The following NDUFAF2 variants were observed in gnomAD, a reference collection of about 807,000 sequenced individuals.
The protein encoded by NDUFAF2 is NADH:ubiquinone oxidoreductase complex assembly factor 2, also known as NADH dehydrogenase [ubiquinone] 1 alpha subcomplex assembly factor 2.
Under a neutral mutation model 22.8 loss-of-function variants are expected in NDUFAF2, and 13 were observed. The ratio of observed to expected loss-of-function variants is 0.57; its 90% CI spans 0.37 to 0.91. The LOEUF (loss-of-function observed/expected upper bound fraction) is 0.91, where lower values mean the gene tolerates loss of function less well. NDUFAF2 is among the 40% of genes least tolerant of loss of function. The pLI, the probability that NDUFAF2 is intolerant of heterozygous loss-of-function variation, is 0.01. For synonymous variants in NDUFAF2, 53 were observed against 64.2 expected (o/e 0.83, Z 0.84); for missense variants, 162 against 195.2 (o/e 0.83, Z 1.01).
Position 61,152,787 on chromosome 5 carries a change from A to G in NDUFAF2, c.342A>G (p.Lys114=). The G allele has an allele frequency of 1.3e-6, 2 of 1,599,068 alleles. No individual in the cohort carries two copies. Among genetic ancestry groups the G allele is most frequent in the Non-Finnish European group, 8.5e-7 (1 of 1,171,926 alleles). The change falls in exon 4 of 4, where the codon AAA becomes AAG. Residue 114 remains lysine, a synonymous_variant. Coordinates refer to ENST00000296597, the MANE Select transcript of NDUFAF2 (RefSeq NM_174889.5). ...DFYEKEKLLS[K]ETSEELLPPP... is the part of the protein sequence containing the mutation. ...ATGAAAAAGAAAAACTCCTTAGTAA[A>G]GAGACCAGTGAGGAACTCCTGCCTC... is the stretch of plus-strand genomic sequence containing the variant.
At chr5:61,015,942 C>T (rs1195229203) in intron 1 of NDUFAF2, among the ~76,000 whole-genome samples, 16 of 152,120 alleles carry the variant, frequency 1.1e-4, no homozygotes, top group Admixed American at 1.0e-3. Flanking sequence ...AATCCCAGCA[C>T]TTTCAGAGGC....
intron 2 of NDUFAF2, among the ~76,000 whole-genome samples, chr5:61,074,571 G>C (rs1752342954): frequency 6.6e-6 from 1 of 151,504 alleles, no homozygotes. Context: ...TGGTGACAGA[G>C]TGAGACTCCA....
intron 3 of NDUFAF2, among the ~76,000 whole-genome samples, chr5:61,119,540 T>A (rs1752952016): frequency 6.6e-6 from 1 of 152,194 alleles, no homozygotes; most frequent in Non-Finnish European, 1.5e-5. Context: ...ATTTCTGGCT[T>A]CCAAAGCTGG....
intron 3 of NDUFAF2, among the ~76,000 whole-genome samples, chr5:61,119,368 T>G (rs1359264585): frequency 1.3e-5 from 2 of 152,170 alleles, no homozygotes; most frequent in Non-Finnish European, 2.9e-5. Flanking sequence ...AGTTAATATA[T>G]GTCTATAATT....
intron 2 of NDUFAF2, among the ~76,000 whole-genome samples, chr5:61,073,680 A>C (rs528207874): frequency 1.3e-5 from 2 of 152,330 alleles, no homozygotes; most frequent in African/African-American, 4.8e-5. Context: ...CAATAACTCT[A>C]TGATAACTGA....
chr5:61,073,806 T>TA (rs1354912674), intron 2 of NDUFAF2, among the ~76,000 whole-genome samples: 2 of 152,198 alleles, frequency 1.3e-5, no homozygotes, highest in Non-Finnish European at 2.9e-5. Flanking sequence ...GCTCTAACAG[T>TA]AACATATGAA....
In NDUFAF2 at chr5:60,986,892, A is replaced by G. The variant is rs191628898; in HGVS notation, c.127+41510A>G. Among the ~76,000 whole-genome samples the G allele has an allele frequency of 6.7e-5, 10 of 149,704 alleles. 1 individual carries two copies. The highest frequency in any genetic ancestry group is 6.1e-4 in the Admixed American group (9 of 14,828). On this transcript the variant is annotated intron_variant, in intron 1 of 3. Coordinates refer to ENST00000296597, the MANE Select transcript of NDUFAF2 (RefSeq NM_174889.5). ...GGTTGCAGTGAGCTGAGATTATGCC[A>G]TTGCACTCTAGCCCGGGCAATAATA...
intron 1 of NDUFAF2, among the ~76,000 whole-genome samples, chr5:61,046,327 A>T (rs1751953949): frequency 6.6e-6 from 1 of 152,170 alleles, no homozygotes; most frequent in Non-Finnish European, 1.5e-5. Flanking sequence ...CTGGCCTCAT[A>T]AAATGAGTTC....
chr5:60,964,494 C>T (rs183477686), intron 1 of NDUFAF2, among the ~76,000 whole-genome samples: 8 of 151,252 alleles, frequency 5.3e-5, no homozygotes, highest in Admixed American at 1.3e-4. Flanking sequence ...TCTGTTGCCC[C>T]GGCTGGAATA....
intron 1 of NDUFAF2, among the ~76,000 whole-genome samples, chr5:60,991,148 TTTTA>T (rs1249168845): frequency 4.6e-5 from 7 of 152,154 alleles, no homozygotes; most frequent in Admixed American, 2.0e-4. Context: ...CCTGTTTTTC[TTTTA>T]TTTATTTATT....
At chr5:61,107,103 C>T in intron 3 of NDUFAF2, among the ~76,000 whole-genome samples, 1 of 89,920 alleles carries the variant, frequency 1.1e-5, no homozygotes, top group Non-Finnish European at 2.5e-5. Flanking sequence ...ATATGCCTAG[C>T]AGTAGAATTG....
At chr5:60,982,318 G>T (rs1447270481) in intron 1 of NDUFAF2, among the ~76,000 whole-genome samples, 1 of 152,108 alleles carries the variant, frequency 6.6e-6, no homozygotes, top group Non-Finnish European at 1.5e-5. Context: ...GCAAGGAGGA[G>T]CAAGTCATAT....
intron 1 of NDUFAF2, among the ~76,000 whole-genome samples, chr5:60,985,970 G>T (rs1452292671): frequency 2.0e-5 from 3 of 152,172 alleles, no homozygotes; most frequent in African/African-American, 7.2e-5. Flanking sequence ...CAGCTAAATG[G>T]CTTGTGTCCA....
At chr5:60,979,538 G>C (rs889363555) in intron 1 of NDUFAF2, among the ~76,000 whole-genome samples, 4 of 152,168 alleles carry the variant, frequency 2.6e-5, no homozygotes, top group Admixed American at 2.0e-4. Flanking sequence ...ACTCCCTTCA[G>C]GGTTCGGGCA....
intron 1 of NDUFAF2, among the ~76,000 whole-genome samples, chr5:61,057,926 G>C (rs961609911): frequency 6.6e-6 from 1 of 152,116 alleles, no homozygotes; most frequent in Non-Finnish European, 1.5e-5. Flanking sequence ...AAGGGTATTA[G>C]TAATTTCATG....
At chr5:61,018,199 G>T (rs1239265470) in intron 1 of NDUFAF2, among the ~76,000 whole-genome samples, 2 of 152,022 alleles carry the variant, frequency 1.3e-5, no homozygotes, top group African/African-American at 4.8e-5. Context: ...ATATATAATG[G>T]CTGGCTACCG....
At chr5:61,145,879 G>C (rs1201103563) in intron 3 of NDUFAF2, 4 of 152,060 alleles carry the variant, frequency 2.6e-5, no homozygotes, top group Non-Finnish European at 5.9e-5. Context: ...CACTCCAGGA[G>C]ACTCTTTAAA....
At chr5:61,011,549 G>A (rs1751442732) in intron 1 of NDUFAF2, among the ~76,000 whole-genome samples, 1 of 152,084 alleles carries the variant, frequency 6.6e-6, no homozygotes, top group African/African-American at 2.4e-5. Context: ...CGTGGTGGCT[G>A]CCATAAGGTA....
At chr5:61,122,884 T>C (rs923434896) in intron 3 of NDUFAF2, among the ~76,000 whole-genome samples, 2 of 152,148 alleles carry the variant, frequency 1.3e-5, no homozygotes, top group Non-Finnish European at 2.9e-5. Flanking sequence ...ATATTTTGCT[T>C]TCTTCTCTGA....
Sources: allele counts gnomAD v4.1 joint callset (sites outside exome capture counted in the v4.1 genomes callset), GRCh38; gene constraint gnomAD v4.1.1; transcripts MANE v1.5; gene names NCBI Gene and HGNC (gene_info 2026-07-23, HGNC 2026-07-21).